EPHA6: variants seen among roughly 807,000 people sequenced by gnomAD.
The protein encoded by EPHA6 is ephrin type-A receptor 6.
Under a neutral mutation model 112.0 loss-of-function variants are expected in EPHA6, and 50 were observed. The observed-to-expected ratio is 0.45, with a 90% CI of 0.36 to 0.56. The LOEUF is 0.56. Ranked by LOEUF, EPHA6 falls within the 20% of genes least tolerant of loss-of-function variation. EPHA6 has a pLI of 0.00. For synonymous variants in EPHA6, 529 were observed against 490.7 expected (o/e 1.08, Z -1.03); for missense variants, 1,280 against 1,417.4 (o/e 0.90, Z 1.56).
At chr3:97,187,489 G>A (rs746166679) in intron 3 of EPHA6, among the ~76,000 whole-genome samples, 3 of 151,330 alleles carry the variant, frequency 2.0e-5, no homozygotes, top group Non-Finnish European at 2.9e-5. Flanking sequence ...AGAATTGCTT[G>A]AGCCCAGGGG....
chr3:97,502,832 CAAAAAAAA>C (rs397990595), intron 10 of EPHA6, among the ~76,000 whole-genome samples: 31 of 35,894 alleles, frequency 8.6e-4, no homozygotes, highest in African/African-American at 2.7e-3. Context: ...GACTCTGTCT[CAAAAAAAA>C]AAAAAAAAAA....
intron 10 of EPHA6, among the ~76,000 whole-genome samples, chr3:97,517,717 T>TA (rs2092469251): frequency 6.6e-6 from 1 of 152,128 alleles, no homozygotes; most frequent in South Asian, 2.1e-4. Flanking sequence ...TGAAATTTTA[T>TA]ATACTTTGAT....
chr3:97,636,227 G>T (rs1206100748), intron 13 of EPHA6, among the ~76,000 whole-genome samples: 1 of 152,002 alleles, frequency 6.6e-6, no homozygotes. Context: ...TTTTTGAATA[G>T]GTAAAAAAGC....
In EPHA6 at chr3:97,757,652, C is replaced by A. The variant is rs1300879856; in HGVS notation, c.*8951C>A. Among the ~76,000 whole-genome samples the A allele has an allele frequency of 5.3e-5, 8 of 151,636 alleles. No homozygotes were observed. Among genetic ancestry groups the A allele is most frequent in the Admixed American group, 5.3e-4 (8 of 15,214 alleles). On this transcript the variant is annotated 3_prime_UTR_variant, in exon 18 of 18. Coordinates refer to ENST00000389672, the MANE Select transcript of EPHA6 (RefSeq NM_001080448.3). ...GAACTTACTTGATACCGTCTTTTAGCATCAATTTATCTTGTTAAGCAGTTA... is the reference window on the plus strand; with the variant it reads ...GAACTTACTTGATACCGTCTTTTAGAATCAATTTATCTTGTTAAGCAGTTA...
intron 5 of EPHA6, among the ~76,000 whole-genome samples, chr3:97,351,246 T>C (rs1456368933): frequency 1.3e-5 from 2 of 152,208 alleles, no homozygotes; most frequent in African/African-American, 4.8e-5. Context: ...TCTTATACAA[T>C]GATCTCAAAT....
chr3:97,355,629 C>T (rs764812423), intron 5 of EPHA6, among the ~76,000 whole-genome samples: 9 of 152,040 alleles, frequency 5.9e-5, no homozygotes, highest in African/African-American at 1.4e-4. Context: ...GAAAAGACCA[C>T]GAAACACCCA....
chr3:97,457,093 C>T (rs2090715682), intron 7 of EPHA6, among the ~76,000 whole-genome samples: 1 of 152,068 alleles, frequency 6.6e-6, no homozygotes, highest in Admixed American at 6.5e-5. Context: ...AGTATGGAGG[C>T]CTATTGAGAA....
chr3:97,300,501 A>G (rs2081050491), intron 5 of EPHA6, among the ~76,000 whole-genome samples: 1 of 152,138 alleles, frequency 6.6e-6, no homozygotes, highest in Admixed American at 6.6e-5. Context: ...AGCATGACAC[A>G]TTTTCACACA....
At chr3:97,702,633 T>C (rs970954441) in intron 14 of EPHA6, among the ~76,000 whole-genome samples, 8 of 152,198 alleles carry the variant, frequency 5.3e-5, no homozygotes, top group Non-Finnish European at 1.0e-4. Context: ...TTTTCTGTTA[T>C]ATAACAGTAC....
chr3:97,292,094 GC>G (rs2080706429), intron 5 of EPHA6, among the ~76,000 whole-genome samples: 1 of 152,250 alleles, frequency 6.6e-6, no homozygotes, highest in African/African-American at 2.4e-5. Flanking sequence ...ACAAGCACCA[GC>G]TTTGTGTGAG....
intron 2 of EPHA6, among the ~76,000 whole-genome samples, chr3:96,898,773 T>A (rs1369156225): frequency 2.0e-5 from 3 of 152,006 alleles, no homozygotes; most frequent in African/African-American, 2.4e-5. Flanking sequence ...CTCACGGCTG[T>A]AATCCCAGCA....
intron 1 of EPHA6, among the ~76,000 whole-genome samples, chr3:96,820,854 C>T (rs948123829): frequency 6.6e-6 from 1 of 151,826 alleles, no homozygotes; most frequent in African/African-American, 2.4e-5. Context: ...CTTCATATGG[C>T]AACATAGTAA....
chr3:97,631,355 T>C (rs2093901094), intron 13 of EPHA6, among the ~76,000 whole-genome samples: 1 of 151,970 alleles, frequency 6.6e-6, no homozygotes, highest in Admixed American at 6.6e-5. Flanking sequence ...AGGCTTGAAG[T>C]GTCCAGTGTT....
At chr3:97,313,639 T>A (rs1354012078) in intron 5 of EPHA6, among the ~76,000 whole-genome samples, 1 of 151,614 alleles carries the variant, frequency 6.6e-6, no homozygotes, top group Non-Finnish European at 1.5e-5. Context: ...CAATTAGAGG[T>A]TTTGAGCATT....
chr3:97,615,977 T>A (rs2093762575), intron 13 of EPHA6, among the ~76,000 whole-genome samples: 1 of 152,168 alleles, frequency 6.6e-6, no homozygotes, highest in East Asian at 1.9e-4. Context: ...AAAAAGTGAC[T>A]AGACTGCTTC....
At chr3:97,336,825 AGAATCATGTT>A (rs2083079426) in intron 5 of EPHA6, among the ~76,000 whole-genome samples, 3 of 151,970 alleles carry the variant, frequency 2.0e-5, no homozygotes, top group Admixed American at 6.6e-5. Flanking sequence ...AATGCAGAAA[AGAATCATGTT>A]TTTCATTGTC....
At chr3:97,260,242 GC>G (rs2079457035) in intron 5 of EPHA6, among the ~76,000 whole-genome samples, 1 of 152,222 alleles carries the variant, frequency 6.6e-6, no homozygotes, top group Non-Finnish European at 1.5e-5. Context: ...CATTTGGGTT[GC>G]CCTAACAGAG....
chr3:97,456,602 TTTTG>T (rs1247355507), intron 7 of EPHA6, among the ~76,000 whole-genome samples: 1 of 152,152 alleles, frequency 6.6e-6, no homozygotes, highest in Non-Finnish European at 1.5e-5. Flanking sequence ...AGTATTTTAT[TTTTG>T]TTTATTTTGT....
chr3:96,889,703 T>A (rs2037842461), intron 2 of EPHA6, among the ~76,000 whole-genome samples: 3 of 152,150 alleles, frequency 2.0e-5, no homozygotes, highest in Admixed American at 2.0e-4. Flanking sequence ...CAAAATTGTA[T>A]GCAAATTCAA....
Sources: allele counts gnomAD v4.1 joint callset (sites outside exome capture counted in the v4.1 genomes callset), GRCh38; gene constraint gnomAD v4.1.1; transcripts MANE v1.5; gene names NCBI Gene and HGNC (gene_info 2026-07-23, HGNC 2026-07-21).